The following ACSS3 variants were observed in gnomAD, a reference collection of about 807,000 sequenced individuals.
ACSS3 encodes the protein acyl-CoA synthetase short-chain family member 3, mitochondrial.
ACSS3 carries 64 observed loss-of-function variants against 84.2 expected under a neutral mutation model. The observed-to-expected ratio is 0.76, with a 90% CI of 0.62 to 0.94. The LOEUF is 0.94. Among genes scored for constraint, ACSS3 ranks in the 40% least tolerant of loss-of-function variants. ACSS3 has a pLI of 0.00. For missense variants in ACSS3, 815 were observed against 867.6 expected, an observed-to-expected ratio of 0.94 and a Z score of 0.76; for synonymous variants, 317 against 310.1, an observed-to-expected ratio of 1.02 and a Z score of -0.23.
At chr12:81,174,619 T>C in intron 7 of ACSS3, 169 bp from the exon 8 acceptor site, 2 of 625,284 alleles carry the variant, frequency 3.2e-6, no homozygotes, top group East Asian at 5.8e-5. Context: ...CTGTTATGCC[T>C]GGGTATTTGG....
At chr12:81,224,785 T>A (rs2033218148) in intron 11 of ACSS3, among the ~76,000 whole-genome samples, 2 of 151,894 alleles carry the variant, frequency 1.3e-5, no homozygotes, top group Non-Finnish European at 2.9e-5. Flanking sequence ...CTTGCCAGGA[T>A]GTGAATCAGC....
chr12:81,227,817 C>A lies in ACSS3; in HGVS notation c.1515-3240C>A, dbSNP rs528564045. Among the ~76,000 whole-genome samples the A allele has an allele frequency of 2.6e-5, 4 of 151,866 alleles. No individual in the cohort carries two copies. In the South Asian group the frequency reaches 8.3e-4, roughly 31 times the overall value. On this transcript the variant is annotated intron_variant, in intron 11 of 15. Coordinates refer to ENST00000548058, the MANE Select transcript of ACSS3 (RefSeq NM_024560.4). ...CCTCTACAGGACGATTTGAATGATA[C>A]CATCACCTGCTTTTATCCTTTCACT... is the stretch of plus-strand genomic sequence containing the variant.
intron 1 of ACSS3, among the ~76,000 whole-genome samples, chr12:81,083,534 T>C (rs75459438): frequency 0.059 from 8,933 of 151,596 alleles, 727 homozygotes; most frequent in East Asian, 0.21. Flanking sequence ...ATTTTTGTAC[T>C]TTTTTTTAGT....
intron 1 of ACSS3, among the ~76,000 whole-genome samples, chr12:81,098,598 G>A (rs1470956202): frequency 6.6e-6 from 1 of 152,146 alleles, no homozygotes; most frequent in Non-Finnish European, 1.5e-5. Flanking sequence ...GTTAATTTGT[G>A]TTAAATGCTC....
At chr12:81,097,928 C>T (rs1044854656) in intron 1 of ACSS3, among the ~76,000 whole-genome samples, 12 of 151,844 alleles carry the variant, frequency 7.9e-5, no homozygotes, top group East Asian at 7.7e-4. Context: ...CCTTGAATAA[C>T]GGCATTTTGT....
At chr12:81,159,050 C>T (rs542209558) in intron 7 of ACSS3, among the ~76,000 whole-genome samples, 5 of 152,098 alleles carry the variant, frequency 3.3e-5, no homozygotes, top group East Asian at 1.9e-4. Flanking sequence ...TTGATTTATA[C>T]GTAAAGATTT....
chr12:81,130,176 T>A (rs1397728958), intron 2 of ACSS3, among the ~76,000 whole-genome samples: 1 of 152,226 alleles, frequency 6.6e-6, no homozygotes, highest in East Asian at 1.9e-4. Flanking sequence ...GTATTTCTAG[T>A]TCTAGATCCT....
chr12:81,235,942 C>A (rs2135979391), intron 13 of ACSS3, among the ~76,000 whole-genome samples: 1 of 151,436 alleles, frequency 6.6e-6, no homozygotes, highest in Non-Finnish European at 1.5e-5. Context: ...TACCTCCTTT[C>A]CAATCTGAAT....
chr12:81,078,622 C>A (rs923808996), intron 1 of ACSS3, among the ~76,000 whole-genome samples, 191 bp downstream of exon 1: 5 of 152,084 alleles, frequency 3.3e-5, no homozygotes, highest in Non-Finnish European at 7.4e-5. Context: ...CTTGAGAGAC[C>A]CTGTTACCTA....
intron 7 of ACSS3, among the ~76,000 whole-genome samples, chr12:81,157,931 T>TACAC (rs35855433): frequency 0.048 from 6,945 of 144,164 alleles, 225 homozygotes; most frequent in African/African-American, 0.092. Context: ...GATTACAGAA[T>TACAC]ACACACACAC....
At chr12:81,118,351 T>C (rs1884235132) in intron 2 of ACSS3, among the ~76,000 whole-genome samples, 1 of 152,236 alleles carries the variant, frequency 6.6e-6, no homozygotes, top group East Asian at 1.9e-4. Context: ...CTTCATCTTA[T>C]AGCTCATTGC....
At chr12:81,158,183 G>A (rs1212941119) in intron 7 of ACSS3, among the ~76,000 whole-genome samples, 1 of 151,980 alleles carries the variant, frequency 6.6e-6, no homozygotes, top group Non-Finnish European at 1.5e-5. Flanking sequence ...TACACCTGGG[G>A]AAAACTGGTT....
intron 1 of ACSS3, among the ~76,000 whole-genome samples, chr12:81,102,715 G>A (rs1485497647): frequency 1.3e-5 from 2 of 151,656 alleles, no homozygotes; most frequent in Non-Finnish European, 2.9e-5. Flanking sequence ...TGTAGTCCCA[G>A]CTACTCAGGA....
chr12:81,119,268 A>C (rs1166890329), intron 2 of ACSS3, among the ~76,000 whole-genome samples: 2 of 152,154 alleles, frequency 1.3e-5, no homozygotes, highest in Non-Finnish European at 2.9e-5. Flanking sequence ...TTCTGAGGCT[A>C]ATAAAGATCA....
At chr12:81,106,458 A>G (rs1047985196) in intron 1 of ACSS3, among the ~76,000 whole-genome samples, 1 of 152,150 alleles carries the variant, frequency 6.6e-6, no homozygotes, top group African/African-American at 2.4e-5. Context: ...ATTATATGTT[A>G]TAATGTAATA....
chr12:81,155,273 A>T (rs1886807551), intron 7 of ACSS3, among the ~76,000 whole-genome samples: 1 of 152,038 alleles, frequency 6.6e-6, no homozygotes, highest in Non-Finnish European at 1.5e-5. Flanking sequence ...GTTTAGCAGG[A>T]TCATAGTCTT....
At chr12:81,160,149 C>A (rs1265933188) in intron 7 of ACSS3, among the ~76,000 whole-genome samples, 11 of 152,186 alleles carry the variant, frequency 7.2e-5, no homozygotes, top group Admixed American at 7.2e-4. Context: ...TTAGAGTAAG[C>A]CATAAACTGG....
In ACSS3 at chr12:81,139,166, AC is replaced by A. The variant is rs1565999077; in HGVS notation, c.683del (p.Pro228LeufsTer5). ...TTGTTACAGCATCATTTGGCATTGA[AC>A]CTGGAAGGAGGGTAGAGTACGTACC... Reference protein sequence around the residue: ...VVVTASFGIEPGRRVEYVPLV... With the variant: ...VVVTASFGIEXGRRVEYVPLV... On this transcript the variant is annotated frameshift_variant, in exon 4 of 16. Coordinates refer to ENST00000548058, the MANE Select transcript of ACSS3 (RefSeq NM_024560.4). LOFTEE classifies it high-confidence loss of function. 1.5e-5 allele frequency: 25 copies of A among 1,613,796 alleles called. No individual in the cohort carries two copies. The highest frequency in any genetic ancestry group is 2.1e-5 in the Non-Finnish European group (25 of 1,179,798).
At position 81,174,807 on chromosome 12, in the gene ACSS3, C is replaced by A. The variant is rs2030351315; in HGVS notation, c.1118C>A (p.Pro373Gln). The stretch of plus-strand genomic sequence containing the variant: ...TTGTAGGGGAAGCCTGTGGGAACAC[C>A]AGATGCTGGCGCTTATTTCCGTGTG... Reference protein sequence around the residue: ...VLYEGKPVGTPDAGAYFRVLA... With the variant: ...VLYEGKPVGTQDAGAYFRVLA... Residue 373 changes from proline to glutamine, a missense_variant, in exon 8 of 16, where the codon CCA (proline) becomes CAA (glutamine). Physicochemically the swap from Pro to Gln is moderately conservative, Grantham distance 76. Transcript: ENST00000548058. 3 of 1,612,786 alleles carry A rather than the reference C, an allele frequency of 1.9e-6. No homozygotes were observed. The highest frequency in any genetic ancestry group is 1.3e-5 in the African/African-American group (1 of 74,848).
Sources: allele counts gnomAD v4.1 joint callset (sites outside exome capture counted in the v4.1 genomes callset), GRCh38; gene constraint gnomAD v4.1.1; transcripts MANE v1.5; gene names NCBI Gene and HGNC (gene_info 2026-07-23, HGNC 2026-07-21).